WDR82: variants seen among roughly 807,000 people sequenced by gnomAD.
WDR82 encodes WD repeat-containing protein 82.
Under a neutral mutation model 36.1 loss-of-function variants are expected in WDR82, and 8 were observed. The observed-to-expected ratio is 0.22, with a 90% CI of 0.13 to 0.40. WDR82 has a LOEUF of 0.40. Among genes scored for constraint, WDR82 ranks in the 10% least tolerant of loss-of-function variants. The probability of loss-of-function intolerance (pLI) is 1.00; values close to 1 mark genes in which losing one functional copy is unlikely to be tolerated. For synonymous variants in WDR82, 129 were observed against 137.8 expected, an observed-to-expected ratio of 0.94 and a Z score of 0.45; for missense variants, 185 against 400.5, an observed-to-expected ratio of 0.46 and a Z score of 4.59.
At position 52,257,520 on chromosome 3, in the gene WDR82, C is replaced by G; in HGVS notation, c.913-1G>C. ...CATCAATGGTGGGCAACCAAAAGGC[C>G]TAGAAGGAGAACATAAATCAACTTT... On this transcript the variant is annotated splice_acceptor_variant, in intron 8 of 8. Transcript: ENST00000296490. LOFTEE classifies it high-confidence loss of function. The G allele has an allele frequency of 1.2e-6, 2 of 1,614,052 alleles. No homozygotes were observed. Among genetic ancestry groups the G allele is most frequent in the Non-Finnish European group, 1.7e-6 (2 of 1,180,020 alleles).
At chr3:52,275,738 GC>G (rs1700197307) in intron 1 of WDR82, among the ~76,000 whole-genome samples, 1 of 152,138 alleles carries the variant, frequency 6.6e-6, no homozygotes, top group Admixed American at 6.5e-5. Context: ...ACAAAAATTA[GC>G]CAGGCATGGT....
At chr3:52,261,540 T>C in intron 3 of WDR82, 61 bp from the exon 4 acceptor site, 1 of 1,462,024 alleles carries the variant, frequency 6.8e-7, no homozygotes, top group Non-Finnish European at 9.4e-7. Context: ...TGGATGTGAA[T>C]TCTAAACCAC....
At chr3:52,261,273 T>G (rs1030818905) in intron 4 of WDR82, 107 bp downstream of exon 4, 2 of 981,144 alleles carry the variant, frequency 2.0e-6, no homozygotes, top group Admixed American at 5.6e-5. Flanking sequence ...AAAGACCCTG[T>G]GATCCCAGAA....
chr3:52,266,041 A>G (rs902733923), intron 3 of WDR82, among the ~76,000 whole-genome samples: 1 of 152,236 alleles, frequency 6.6e-6, no homozygotes, highest in Non-Finnish European at 1.5e-5. Flanking sequence ...CATTCAAAGA[A>G]AAGTTGAAAA....
In WDR82 at chr3:52,258,634, T is replaced by C; in HGVS notation, c.814A>G (p.Ile272Val). The C allele has an allele frequency of 3.1e-6, 5 of 1,614,250 alleles. No homozygotes were observed. Among genetic ancestry groups the C allele is most frequent in the Non-Finnish European group, 4.2e-6 (5 of 1,180,044 alleles). ...TTACCATCCAACACAGCTACTTTTA[T>C]ACCGCTCTCTCCATTCCAGACATGG... ...KIHVWNGESGIKVAVLDGKHT... is the reference protein window; with the variant it reads ...KIHVWNGESGVKVAVLDGKHT... The change falls in exon 8 of 9, where the codon ATA becomes GTA. Residue 272 changes from isoleucine to valine, a missense_variant. Coordinates refer to ENST00000296490, the MANE Select transcript of WDR82 (RefSeq NM_025222.4).
chr3:52,274,089 A>T (rs1700179173), intron 1 of WDR82, among the ~76,000 whole-genome samples: 1 of 152,226 alleles, frequency 6.6e-6, no homozygotes, highest in African/African-American at 2.4e-5. Context: ...ACTTTGAGTA[A>T]TTTGCTTCAC....
At chr3:52,271,568 C>T (rs966617607) in intron 1 of WDR82, among the ~76,000 whole-genome samples, 1 of 150,724 alleles carries the variant, frequency 6.6e-6, no homozygotes, top group Non-Finnish European at 1.5e-5. Flanking sequence ...CTCAAGACAT[C>T]CATTTAGAAA....
At position 52,255,351 on chromosome 3, in the gene WDR82, A is replaced by T. The variant is rs1699996851; in HGVS notation, c.*2139T>A. 1 of 152,182 alleles carries T rather than the reference A, an allele frequency of 6.6e-6. No homozygotes were observed. Among genetic ancestry groups the T allele is most frequent in the Non-Finnish European group, 1.5e-5 (1 of 68,024 alleles). 9.4% of individuals were successfully genotyped at this position (152,182 alleles called of 1,614,324 possible). Reference sequence around the variant, plus strand: ...AATGCTTGGTGGCTGCTCTGGTTGCAGATATGTGAAGTTAGGTAGCCTTTC... The same window carrying T: ...AATGCTTGGTGGCTGCTCTGGTTGCTGATATGTGAAGTTAGGTAGCCTTTC... On this transcript the variant is annotated 3_prime_UTR_variant, in exon 9 of 9. Transcript: ENST00000296490.
chr3:52,259,289 T>C lies in WDR82; in HGVS notation c.700-23A>G. 3.1e-6 allele frequency: 5 copies of C among 1,612,528 alleles called. 1 individual carries two copies. The South Asian group carries it at 5.5e-5, about 18-fold the overall frequency. On this transcript the variant is annotated intron_variant, in intron 6 of 8. Transcript: ENST00000296490. ...ACCCTAAAACAAAACAGAGCAGTTCTTTTGTTCTTACAGAGCCATTAATAA... is the reference window on the plus strand; with the variant it reads ...ACCCTAAAACAAAACAGAGCAGTTCCTTTGTTCTTACAGAGCCATTAATAA...
chr3:52,268,449 T>C, intron 2 of WDR82: 1 of 409,408 alleles, frequency 2.4e-6, no homozygotes, highest in South Asian at 1.7e-5. Context: ...AGCAGAGGCT[T>C]GGCAGCAAAG....
rs369526615 is a variant in WDR82, at chr3:52,259,283, C to G, written c.700-17G>C. 41 of 1,613,006 alleles carry G rather than the reference C, an allele frequency of 2.5e-5. No homozygotes were observed. Among genetic ancestry groups the G allele is most frequent in the Middle Eastern group, 3.3e-4 (2 of 6,078 alleles). ...GGCATAACCCTAAAACAAAACAGAGCAGTTCTTTTGTTCTTACAGAGCCAT... is the reference window on the plus strand; with the variant it reads ...GGCATAACCCTAAAACAAAACAGAGGAGTTCTTTTGTTCTTACAGAGCCAT... On this transcript the variant is annotated splice_polypyrimidine_tract_variant and intron_variant, in intron 6 of 8. Transcript: ENST00000296490.
At chr3:52,269,685 G>C (rs1405508978) in intron 2 of WDR82, among the ~76,000 whole-genome samples, 1 of 152,110 alleles carries the variant, frequency 6.6e-6, no homozygotes, top group Non-Finnish European at 1.5e-5. Context: ...AGCTGAGATC[G>C]CGCCACTGCA....
At chr3:52,277,692 C>A (rs993249880) in intron 1 of WDR82, among the ~76,000 whole-genome samples, 1 of 152,218 alleles carries the variant, frequency 6.6e-6, no homozygotes, top group Non-Finnish European at 1.5e-5. Flanking sequence ...CGCGGTCTGA[C>A]GGCAGAAAGG....
chr3:52,267,045 G>A (rs796723721), intron 2 of WDR82, 27 bp from the exon 3 acceptor site: 2 of 1,531,014 alleles, frequency 1.3e-6, no homozygotes, highest in Non-Finnish European at 1.8e-6. Context: ...AAGGTATGAT[G>A]ATATCATACT....
rs917762702 is a variant in WDR82, at chr3:52,255,517, A to G, written c.*1973T>C. On this transcript the variant is annotated 3_prime_UTR_variant, in exon 9 of 9. Transcript: ENST00000296490. ...TCTTCCTCTCTGGGAAAGCAGAACT[A>G]TACAGTGGGTGGCATCCTGCAGATT... The G allele has an allele frequency of 6.6e-6, 1 of 152,156 alleles. No individual in the cohort carries two copies. The highest frequency in any genetic ancestry group is 3.2e-3 in the Middle Eastern group (1 of 316). 9.4% of individuals were successfully genotyped at this position (152,156 alleles called of 1,614,324 possible).
At chr3:52,268,138 G>C (rs1443280055) in intron 2 of WDR82, 1 of 291,610 alleles carries the variant, frequency 3.4e-6, no homozygotes, top group African/African-American at 2.2e-5. Flanking sequence ...CAACTACGAA[G>C]TATTTCTAGT....
intron 2 of WDR82, chr3:52,267,281 A>G: frequency 3.2e-6 from 1 of 315,558 alleles, no homozygotes; most frequent in Non-Finnish European, 6.0e-6. Flanking sequence ...TGGTTTCTTC[A>G]TAATTACAAT....
rs1208810563 is a variant in WDR82 at position 52,257,493 on chromosome 3, G to C, written c.939C>G (p.Asp313Glu). The change falls in exon 9 of 9, where the codon GAC becomes GAG. Residue 313 changes from aspartate (D) to glutamate (E), a missense_variant. Asp to Glu is a conservative substitution (Grantham distance 45). Transcript: ENST00000296490. ...NMAFWLPTID[D>E] The stretch of plus-strand genomic sequence containing the variant: ...AAATAGCCAAGCAGCAACAGGGTCA[G>C]TCATCAATGGTGGGCAACCAAAAGG... 6.2e-7 allele frequency: 1 copy of C among 1,613,986 alleles called. No individual in the cohort carries two copies. The highest frequency in any genetic ancestry group is 1.3e-5 in the African/African-American group (1 of 74,880).
At chr3:52,276,332 G>A (rs1419329918) in intron 1 of WDR82, among the ~76,000 whole-genome samples, 1 of 151,894 alleles carries the variant, frequency 6.6e-6, no homozygotes, top group Admixed American at 6.6e-5. Flanking sequence ...TTGTGAGGGT[G>A]AGGCAGGAGA....
Sources: allele counts gnomAD v4.1 joint callset (sites outside exome capture counted in the v4.1 genomes callset), GRCh38; gene constraint gnomAD v4.1.1; transcripts MANE v1.5; gene names NCBI Gene and HGNC (gene_info 2026-07-23, HGNC 2026-07-21).